Variants in COLGALT1 observed in about 807,000 individuals in gnomAD.
COLGALT1 encodes collagen beta(1-O)galactosyltransferase 1, also known as procollagen galactosyltransferase 1.
A neutral mutation model predicts 60.8 loss-of-function variants in COLGALT1; 43 were observed. The ratio of observed to expected loss-of-function variants is 0.71; its 90% CI spans 0.55 to 0.91. The LOEUF (loss-of-function observed/expected upper bound fraction) is 0.91. Ranked by LOEUF, COLGALT1 falls within the 40% of genes least tolerant of loss-of-function variation. COLGALT1 has a pLI of 0.00. For synonymous variants in COLGALT1, 369 were observed against 374.2 expected, an observed-to-expected ratio of 0.99 and a Z score of 0.16; for missense variants, 845 against 880.0, an observed-to-expected ratio of 0.96 and a Z score of 0.50.
chr19:17,561,591 C>A (rs1409864354), intron 3 of COLGALT1, among the ~76,000 whole-genome samples: 1 of 144,162 alleles, frequency 6.9e-6, no homozygotes, highest in Admixed American at 7.1e-5. Context: ...AAGATCACGC[C>A]ACTGCACTCC....
chr19:17,560,500 G>A, intron 3 of COLGALT1, 35 bp downstream of exon 3: 1 of 1,555,832 alleles, frequency 6.4e-7, no homozygotes, highest in South Asian at 1.1e-5. Flanking sequence ...TGGATCACAG[G>A]CAGGTCTGGG....
At chr19:17,573,726 C>T (rs1238019275) in intron 6 of COLGALT1, among the ~76,000 whole-genome samples, 2 of 151,546 alleles carry the variant, frequency 1.3e-5, no homozygotes, top group African/African-American at 4.9e-5. Flanking sequence ...ATAATTATCC[C>T]AGCTCTTTGG....
chr19:17,575,035 T>C (rs538716662), intron 6 of COLGALT1, among the ~76,000 whole-genome samples: 2 of 151,922 alleles, frequency 1.3e-5, no homozygotes, highest in Non-Finnish European at 2.9e-5. Context: ...AATTTGTTAA[T>C]TTAGGTTTTT....
At chr19:17,571,417 A>G (rs1373681355) in intron 5 of COLGALT1, among the ~76,000 whole-genome samples, 2 of 149,306 alleles carry the variant, frequency 1.3e-5, no homozygotes, top group Non-Finnish European at 3.0e-5. Context: ...CAAAAAAAAT[A>G]AATAAATTAA....
At chr19:17,566,340 G>A (rs2076279706) in intron 3 of COLGALT1, among the ~76,000 whole-genome samples, 1 of 152,122 alleles carries the variant, frequency 6.6e-6, no homozygotes, top group Admixed American at 6.6e-5. Context: ...TCCAGCCTAT[G>A]CAACAGGAGA....
In COLGALT1 at chr19:17,562,319, A is replaced by G. The variant is rs149764202; in HGVS notation, c.489+1854A>G. ...TCTACTTGGAGGGGAATGGGGAGCC[A>G]TGGAGGGTGTGTGAGCAGGGGAGGT... On this transcript the variant is annotated intron_variant, in intron 3 of 11. Transcript: ENST00000252599. Among the ~76,000 whole-genome samples, 36 of 152,270 alleles carry G rather than the reference A, an allele frequency of 2.4e-4. No homozygotes were observed. The Middle Eastern group carries it at 0.01, about 43-fold the overall frequency.
chr19:17,577,457 G>A lies in COLGALT1; in HGVS notation c.1123G>A (p.Val375Met), dbSNP rs1247684748. The part of the protein sequence containing the change: ...QEIECRLVEA[V>M]DGKAMNTSQV... ...GATCGAGTGCCGGCTGGTGGAGGCCGTGGACGGCAAGTGAGTCCGAGGCCT... is the reference window on the plus strand; with the variant it reads ...GATCGAGTGCCGGCTGGTGGAGGCCATGGACGGCAAGTGAGTCCGAGGCCT... Residue 375 changes from valine to methionine, a missense_variant, in exon 8 of 12, where the codon GTG becomes ATG. Transcript: ENST00000252599. 3.5e-6 allele frequency: 5 copies of A among 1,443,878 alleles called. No individual in the cohort carries two copies. Among genetic ancestry groups the A allele is most frequent in the Admixed American group, 2.5e-5 (1 of 39,426 alleles). 89.4% of individuals were successfully genotyped at this position (1,443,878 alleles called of 1,614,324 possible).
At chr19:17,579,403 T>C (rs2076364470) in intron 9 of COLGALT1, 79 bp from the exon 10 acceptor site, 1 of 1,592,378 alleles carries the variant, frequency 6.3e-7, no homozygotes, top group Non-Finnish European at 8.6e-7. Context: ...CTTTCAAACC[T>C]TCTCAAAGCA....
At chr19:17,563,639 G>A (rs994703921) in intron 3 of COLGALT1, among the ~76,000 whole-genome samples, 2 of 151,980 alleles carry the variant, frequency 1.3e-5, no homozygotes, top group Admixed American at 6.6e-5. Context: ...GTGAGCCAGC[G>A]CGCCTGGCCC....
At chr19:17,580,350 C>G (rs568217033) in intron 10 of COLGALT1, 2 of 388,828 alleles carry the variant, frequency 5.1e-6, no homozygotes, top group African/African-American at 4.1e-5. Flanking sequence ...AGTAACTGCA[C>G]CCCTCCATTC....
chr19:17,572,388 C>T (rs2076317935), intron 5 of COLGALT1, 95 bp from the exon 6 acceptor site: 1 of 1,586,182 alleles, frequency 6.3e-7, no homozygotes, highest in South Asian at 1.1e-5. Flanking sequence ...AAGCGATCCT[C>T]CTGCGTTGGC....
At chr19:17,560,206 G>C in intron 2 of COLGALT1, 142 bp from the exon 3 acceptor site, 1 of 632,722 alleles carries the variant, frequency 1.6e-6, no homozygotes, top group South Asian at 1.8e-5. Flanking sequence ...TTTCCTCGTC[G>C]TTTACTTTTT....
intron 1 of COLGALT1, among the ~76,000 whole-genome samples, chr19:17,558,956 C>T (rs890054014): frequency 2.0e-5 from 3 of 151,834 alleles, no homozygotes; most frequent in East Asian, 1.9e-4. Flanking sequence ...GTCAGGAGAT[C>T]GAGACCAGCC....
chr19:17,568,887 C>G (rs2076295953), intron 5 of COLGALT1, among the ~76,000 whole-genome samples, 174 bp downstream of exon 5: 1 of 152,192 alleles, frequency 6.6e-6, no homozygotes. Context: ...GACCCCGTTT[C>G]TCTCCAGCCC....
intron 1 of COLGALT1, among the ~76,000 whole-genome samples, chr19:17,556,314 A>C (rs2076211148): frequency 6.6e-6 from 1 of 152,188 alleles, no homozygotes; most frequent in Non-Finnish European, 1.5e-5. Context: ...CTCCGGCCTC[A>C]CTAACTGGGG....
chr19:17,574,437 TC>T (rs1450919775), intron 6 of COLGALT1, among the ~76,000 whole-genome samples: 7 of 151,702 alleles, frequency 4.6e-5, no homozygotes, highest in Non-Finnish European at 1.0e-4. Context: ...TTCAAGCGAT[TC>T]CCCTGCCTCA....
In COLGALT1 at chr19:17,577,481, CTGGGGG is replaced by C; in HGVS notation, c.1133+21_1133+26del. The C allele has an allele frequency of 1.6e-5, 3 of 193,012 alleles. No individual in the cohort carries two copies. Among genetic ancestry groups the C allele is most frequent in the Non-Finnish European group, 1.9e-5 (3 of 157,270 alleles). 12.0% of individuals were successfully genotyped at this position (193,012 alleles called of 1,614,324 possible). On this transcript the variant is annotated intron_variant, in intron 8 of 11. Coordinates refer to ENST00000252599, the MANE Select transcript of COLGALT1 (RefSeq NM_024656.4). ...CGTGGACGGCAAGTGAGTCCGAGGCCTGGGGGTGGGGGGGCGGGTCCGCACGTGGAT... is the reference window on the plus strand; with the variant it reads ...CGTGGACGGCAAGTGAGTCCGAGGCCTGGGGGGGCGGGTCCGCACGTGGAT...
At chr19:17,578,183 C>T (rs958931076) in intron 9 of COLGALT1, 94 bp downstream of exon 9, 13 of 1,368,706 alleles carry the variant, frequency 9.5e-6, no homozygotes, top group African/African-American at 1.5e-5. Context: ...CCCCAAAGCC[C>T]CGGCTAGGCA....
chr19:17,566,609 T>G (rs1347760244), intron 3 of COLGALT1, among the ~76,000 whole-genome samples: 1 of 151,826 alleles, frequency 6.6e-6, no homozygotes, highest in African/African-American at 2.4e-5. Context: ...TGTAGAGGGA[T>G]CCTATCTCTA....
Sources: gnomAD v4.1 joint callset for allele counts (sites outside exome capture counted in the v4.1 genomes callset) on GRCh38, gnomAD v4.1.1 for gene constraint, MANE v1.5 for transcripts, NCBI Gene and HGNC (gene_info 2026-07-23, HGNC 2026-07-21) for gene names.